The following CLVS1 variants were observed in gnomAD, a reference collection of about 807,000 sequenced individuals.
The protein encoded by CLVS1 is clavesin 1.
CLVS1 carries 10 observed loss-of-function variants against 33.1 expected under a neutral mutation model. The ratio of observed to expected loss-of-function variants is 0.30; its 90% CI spans 0.19 to 0.51. The LOEUF (loss-of-function observed/expected upper bound fraction) is 0.51. CLVS1 is among the 20% of genes least tolerant of loss of function. CLVS1 has a pLI of 0.97. For missense variants in CLVS1, 343 were observed against 433.4 expected, an observed-to-expected ratio of 0.79 and a Z score of 1.85; for synonymous variants, 163 against 166.1, an observed-to-expected ratio of 0.98 and a Z score of 0.14.
At chr8:61,049,066 A>T in the CLVS1 span, among the ~76,000 whole-genome samples, 5 of 152,180 alleles carry the variant, frequency 3.3e-5, no homozygotes, top group African/African-American at 1.2e-4. Flanking sequence ...GACACCTCTT[A>T]CTTTTGCATA....
the CLVS1 span, among the ~76,000 whole-genome samples, chr8:61,006,411 G>A: frequency 6.6e-6 from 1 of 152,132 alleles, no homozygotes. Flanking sequence ...CAAGGATGCC[G>A]CTGGACCAGA....
chr8:61,479,488 T>A (rs1463588107), intron 5 of CLVS1, among the ~76,000 whole-genome samples: 1 of 151,706 alleles, frequency 6.6e-6, no homozygotes, highest in Non-Finnish European at 1.5e-5. Context: ...ATTCGTCTAA[T>A]TTTTTTTTCA....
At chr8:61,086,604 C>CT (rs143413994) in intron 1 of CLVS1, among the ~76,000 whole-genome samples, 6 of 148,282 alleles carry the variant, frequency 4.0e-5, no homozygotes, top group Non-Finnish European at 7.5e-5. Context: ...AAATGGGTTA[C>CT]TTTTTTTTTT....
At chr8:61,265,754 T>A (rs914466866) in intron 2 of CLVS1, among the ~76,000 whole-genome samples, 4 of 152,244 alleles carry the variant, frequency 2.6e-5, no homozygotes, top group African/African-American at 9.6e-5. Flanking sequence ...GCAGCCAGCA[T>A]CTGGGCCCCT....
At chr8:61,028,022 A>T in the CLVS1 span, among the ~76,000 whole-genome samples, 6 of 152,356 alleles carry the variant, frequency 3.9e-5, no homozygotes, top group South Asian at 1.2e-3. Context: ...ATGGTCCTTG[A>T]GATGAATGTG....
chr8:61,068,227 G>GTATATATATATATATATA lies in CLVS1; in HGVS notation c.-243+10998_-243+10999insATATATATATATATATAT, dbSNP rs761732435. On this transcript the variant is annotated intron_variant, in intron 1 of 2. Coordinates refer to the CLVS1 transcript ENST00000522621. ...TATATATATATATATATGTATGTATGTGTATATATATATATATATATGTAT... is the reference window on the plus strand; with the variant it reads ...TATATATATATATATATGTATGTATGTATATATATATATATATATGTATATATATATATATATATGTAT... Among the ~76,000 whole-genome samples the GTATATATATATATATATA allele has an allele frequency of 4.3e-4, 38 of 88,290 alleles. 2 individuals carry two copies. The highest frequency in any genetic ancestry group is 1.5e-3 in the African/African-American group (38 of 25,110). The allele number at this position is 88,290 out of a possible 152,430, so 57.9% of individuals were successfully genotyped here.
intron 2 of CLVS1, among the ~76,000 whole-genome samples, chr8:61,201,647 T>C (rs1339805487): frequency 1.3e-5 from 2 of 152,202 alleles, no homozygotes; most frequent in Non-Finnish European, 2.9e-5. Flanking sequence ...GAGTTCATGT[T>C]TTTAAAAGTT....
chr8:61,185,912 G>A (rs184556704), intron 2 of CLVS1, among the ~76,000 whole-genome samples: 19 of 152,288 alleles, frequency 1.2e-4, no homozygotes, highest in African/African-American at 1.9e-4. Context: ...AATGTTAGCC[G>A]TTGGTATTAC....
intron 3 of CLVS1, among the ~76,000 whole-genome samples, chr8:61,410,206 A>C (rs982170773): frequency 6.6e-6 from 1 of 151,508 alleles, no homozygotes; most frequent in African/African-American, 2.4e-5. Context: ...ATCCATTTGC[A>C]GTTTATCATA....
the CLVS1 span, among the ~76,000 whole-genome samples, chr8:61,014,085 G>GTTTTTTTT: frequency 3.9e-5 from 5 of 126,818 alleles, no homozygotes; most frequent in African/African-American, 6.0e-5. Flanking sequence ...ACTTTTTAGT[G>GTTTTTTTT]TTTTTTTTTT....
intron 1 of CLVS1, among the ~76,000 whole-genome samples, chr8:61,059,933 C>G (rs956882879): frequency 6.6e-6 from 1 of 152,132 alleles, no homozygotes; most frequent in African/African-American, 2.4e-5. Context: ...TATGCTACTT[C>G]TGCCTTCAGT....
intron 2 of CLVS1, among the ~76,000 whole-genome samples, chr8:61,177,106 GC>G (rs1807128023): frequency 6.6e-6 from 1 of 152,192 alleles, no homozygotes; most frequent in Non-Finnish European, 1.5e-5. Flanking sequence ...AGGAATGGCG[GC>G]AGCCATTTCT....
intron 2 of CLVS1, among the ~76,000 whole-genome samples, chr8:61,154,963 C>A (rs560405814): frequency 2.4e-4 from 37 of 152,178 alleles, no homozygotes; most frequent in Non-Finnish European, 5.0e-4. Context: ...AAGGGCTCAG[C>A]AGGCCCATGT....
the CLVS1 span, among the ~76,000 whole-genome samples, chr8:60,994,822 T>A: frequency 6.6e-6 from 1 of 152,006 alleles, no homozygotes; most frequent in Non-Finnish European, 1.5e-5. Context: ...GAGATATAGA[T>A]CAATGGAACA....
At chr8:61,342,450 G>A (rs916700030) in intron 2 of CLVS1, among the ~76,000 whole-genome samples, 1 of 152,166 alleles carries the variant, frequency 6.6e-6, no homozygotes, top group Non-Finnish European at 1.5e-5. Context: ...CCTGAGAAGC[G>A]CTTGTCTGCC....
At chr8:61,293,459 C>T (rs1182823745) in intron 1 of CLVS1, among the ~76,000 whole-genome samples, 1 of 152,080 alleles carries the variant, frequency 6.6e-6, no homozygotes, top group African/African-American at 2.4e-5. Context: ...GAACATGTAA[C>T]CAACCAGCCT....
At chr8:60,991,666 CTCT>C in the CLVS1 span, among the ~76,000 whole-genome samples, 1 of 152,062 alleles carries the variant, frequency 6.6e-6, no homozygotes, top group Non-Finnish European at 1.5e-5. Flanking sequence ...GCCATGCTCC[CTCT>C]AATGTGGAAT....
At chr8:61,152,743 G>A (rs1242967052) in intron 2 of CLVS1, among the ~76,000 whole-genome samples, 4 of 152,196 alleles carry the variant, frequency 2.6e-5, no homozygotes, top group Non-Finnish European at 4.4e-5. Flanking sequence ...ATTTTGGAGG[G>A]GATATAAACA....
intron 2 of CLVS1, among the ~76,000 whole-genome samples, chr8:61,235,544 T>C (rs1396955381): frequency 6.6e-6 from 1 of 152,238 alleles, no homozygotes; most frequent in African/African-American, 2.4e-5. Context: ...TTCTTAAAGC[T>C]TCTGAACATG....
Sources: allele counts gnomAD v4.1 joint callset (sites outside exome capture counted in the v4.1 genomes callset), GRCh38; gene constraint gnomAD v4.1.1; transcripts MANE v1.5; gene names NCBI Gene and HGNC (gene_info 2026-07-23, HGNC 2026-07-21).